DYRK4: variants seen among roughly 807,000 people sequenced by gnomAD.
DYRK4 encodes the protein dual specificity tyrosine-phosphorylation-regulated kinase 4.
In DYRK4, 64 loss-of-function variants were observed where a neutral mutation model predicts 68.3. That is an observed-to-expected ratio of 0.94 (90% CI 0.77 to 1.15). The LOEUF is 1.15. DYRK4 is among the 50% of genes most tolerant of loss of function. DYRK4 has a pLI of 0.00. For missense variants in DYRK4, 740 were observed against 764.7 expected (o/e 0.97, Z 0.38); for synonymous variants, 274 against 289.9 (o/e 0.95, Z 0.56).
intron 2 of DYRK4, chr12:4,581,100 G>A: frequency 3.5e-6 from 1 of 288,412 alleles, no homozygotes; most frequent in East Asian, 8.4e-5. Flanking sequence ...TGAGAGGGCA[G>A]GACATAATAC....
In DYRK4 at chr12:4,599,083, A is replaced by G. The variant is rs377433879; in HGVS notation, c.961A>G (p.Ile321Val). The G allele has an allele frequency of 3.1e-6, 5 of 1,613,986 alleles. No homozygotes were observed. The African/African-American group carries it at 4.0e-5, about 13-fold the overall frequency. Residue 321 changes from isoleucine (I) to valine (V), a missense_variant, in exon 9 of 15, where the codon ATA (isoleucine) becomes GTA (valine). Transcript: ENST00000543431. Reference sequence around the variant, plus strand: ...CAACTTTCAAGGCTTCAGTCTGTCCATAGTTCGGCGCTTCACTCTCTCTGT... The same window carrying G: ...CAACTTTCAAGGCTTCAGTCTGTCCGTAGTTCGGCGCTTCACTCTCTCTGT... ...NNNFQGFSLS[I>V]VRRFTLSVLK... is the part of the protein sequence containing the mutation.
In DYRK4 at chr12:4,612,730, CAAAT is replaced by C. The variant is rs760335293; in HGVS notation, c.1666+15_1666+18del. 1.2e-6 allele frequency: 2 copies of C among 1,613,730 alleles called. No individual in the cohort carries two copies. Among genetic ancestry groups the C allele is most frequent in the East Asian group, 4.5e-5 (2 of 44,866 alleles). ...CTCGAGCAGAAAAGGTACAGCCTGT[CAAAT>C]AACCAGTCCTAGTCCCACAGTCCGG... On this transcript the variant is annotated intron_variant, in intron 14 of 14. Transcript: ENST00000543431.
intron 13 of DYRK4, among the ~76,000 whole-genome samples, chr12:4,611,817 C>T (rs746214032): frequency 4.6e-5 from 7 of 152,012 alleles, no homozygotes; most frequent in Non-Finnish European, 1.0e-4. Flanking sequence ...TAGTTAGTAG[C>T]GATGTAAATA....
chr12:4,603,898 T>C (rs968183714), intron 10 of DYRK4, among the ~76,000 whole-genome samples: 1 of 152,316 alleles, frequency 6.6e-6, no homozygotes, highest in Admixed American at 6.5e-5. Flanking sequence ...CCCCTTTGCA[T>C]ATTTTCTGAC....
intron 4 of DYRK4, chr12:4,590,730 C>A: frequency 2.2e-6 from 1 of 464,788 alleles, no homozygotes; most frequent in Non-Finnish European, 3.4e-6. Flanking sequence ...TAGTTTCCTC[C>A]CATGTCCTCC....
rs1314248309 is a variant in DYRK4 at position 4,599,849 on chromosome 12, T to A, written c.1126+61T>A. On this transcript the variant is annotated intron_variant, in intron 10 of 14. Coordinates refer to ENST00000543431, the MANE Select transcript of DYRK4 (RefSeq NM_001394779.1). ...CTATTGCAATTTCTCTCCCTTCACATACAAGGTCACCTGCCTTCTAGGCTG... is the reference window on the plus strand; with the variant it reads ...CTATTGCAATTTCTCTCCCTTCACAAACAAGGTCACCTGCCTTCTAGGCTG... 4 of 1,432,920 alleles carry A rather than the reference T, an allele frequency of 2.8e-6. No individual in the cohort carries two copies. In the African/African-American group the frequency reaches 5.6e-5, roughly 20 times the overall value. 88.8% of individuals were successfully genotyped at this position (1,432,920 alleles called of 1,614,324 possible). A position where few individuals can be genotyped will look rare whatever the true frequency, so the allele number is the denominator to read the frequency against.
At chr12:4,568,569 G>A (rs1048835694) in intron 2 of DYRK4, among the ~76,000 whole-genome samples, 1 of 151,960 alleles carries the variant, frequency 6.6e-6, no homozygotes, top group African/African-American at 2.4e-5. Flanking sequence ...TATTTTTAGA[G>A]GAGATGGGGT....
At chr12:4,595,647 C>A (rs959280045) in intron 6 of DYRK4, among the ~76,000 whole-genome samples, 4 of 152,100 alleles carry the variant, frequency 2.6e-5, no homozygotes, top group African/African-American at 9.7e-5. Context: ...CAGGAAGAGG[C>A]AGAGAGGAGA....
chr12:4,611,056 C>T (rs1443250099), intron 13 of DYRK4, among the ~76,000 whole-genome samples: 1 of 152,196 alleles, frequency 6.6e-6, no homozygotes, highest in Non-Finnish European at 1.5e-5. Context: ...TATTCCTAAG[C>T]TCCCTTCCAG....
intron 6 of DYRK4, among the ~76,000 whole-genome samples, chr12:4,593,895 T>C (rs1944985498): frequency 6.6e-6 from 1 of 152,248 alleles, no homozygotes; most frequent in South Asian, 2.1e-4. Flanking sequence ...CAGATTTTAT[T>C]AACAGCATTT....
intron 6 of DYRK4, 71 bp downstream of exon 6, chr12:4,593,236 C>A: frequency 6.5e-7 from 1 of 1,547,646 alleles, no homozygotes; most frequent in Non-Finnish European, 8.7e-7. Flanking sequence ...AGGAAAAAAG[C>A]AACGGTATTT....
intron 1 of DYRK4, chr12:4,564,497 A>T (rs1328519977): frequency 6.6e-6 from 1 of 152,198 alleles, no homozygotes; most frequent in Non-Finnish European, 1.5e-5. Flanking sequence ...AAATCATAAC[A>T]GGTAAATCTC....
chr12:4,579,375 T>A (rs1220378485), intron 2 of DYRK4, among the ~76,000 whole-genome samples: 2 of 152,168 alleles, frequency 1.3e-5, no homozygotes, highest in African/African-American at 4.8e-5. Context: ...AGTGCTCTCA[T>A]GCAGGTAGAA....
intron 12 of DYRK4, 124 bp downstream of exon 12, chr12:4,607,511 A>G: frequency 9.6e-7 from 1 of 1,043,234 alleles, no homozygotes; most frequent in Non-Finnish European, 1.4e-6. Flanking sequence ...CGTCTTTCAG[A>G]GAAGTAAAAG....
At chr12:4,597,339 A>C (rs901788966) in intron 8 of DYRK4, among the ~76,000 whole-genome samples, 14 of 152,264 alleles carry the variant, frequency 9.2e-5, no homozygotes, top group Admixed American at 4.6e-4. Context: ...GCAAAGGAGA[A>C]TAATCAGGGG....
At chr12:4,595,751 A>G (rs988864586) in intron 6 of DYRK4, among the ~76,000 whole-genome samples, 1 of 152,186 alleles carries the variant, frequency 6.6e-6, no homozygotes, top group Admixed American at 6.5e-5. Flanking sequence ...AGACTCATAA[A>G]ATGTCCAAAC....
chr12:4,582,098 C>T (rs1032480621), intron 2 of DYRK4, among the ~76,000 whole-genome samples: 1 of 152,190 alleles, frequency 6.6e-6, no homozygotes. Context: ...TAGGGATGCT[C>T]TATCTGTAAT....
intron 2 of DYRK4, among the ~76,000 whole-genome samples, chr12:4,582,059 T>C (rs1944847666): frequency 1.3e-5 from 2 of 152,226 alleles, no homozygotes; most frequent in Admixed American, 1.3e-4. Context: ...GGTGTCATTG[T>C]CGGCACTCAA....
chr12:4,575,715 G>T (rs901126916), intron 2 of DYRK4, among the ~76,000 whole-genome samples: 1 of 152,030 alleles, frequency 6.6e-6, no homozygotes, highest in Non-Finnish European at 1.5e-5. Context: ...GAAATACTTG[G>T]TCATGCCTTT....
Sources: allele counts gnomAD v4.1 joint callset (sites outside exome capture counted in the v4.1 genomes callset), GRCh38; gene constraint gnomAD v4.1.1; transcripts MANE v1.5; gene names NCBI Gene and HGNC (gene_info 2026-07-23, HGNC 2026-07-21).